TRAPPC9: variants seen among roughly 807,000 people sequenced by gnomAD.
TRAPPC9 encodes the protein IKK2 binding protein.
A neutral mutation model predicts 124.0 loss-of-function variants in TRAPPC9; 83 were observed. The observed-to-expected ratio is 0.67, with a 90% CI of 0.56 to 0.80. The LOEUF (loss-of-function observed/expected upper bound fraction) is 0.80. TRAPPC9 is among the 30% of genes least tolerant of loss of function. TRAPPC9 has a pLI of 0.00. For synonymous variants in TRAPPC9, 638 were observed against 617.5 expected (o/e 1.03, Z -0.49); for missense variants, 1,302 against 1,508.3 (o/e 0.86, Z 2.27).
chr8:140,248,591 G>A (rs957626338), intron 16 of TRAPPC9, among the ~76,000 whole-genome samples: 4 of 152,108 alleles, frequency 2.6e-5, no homozygotes, highest in Non-Finnish European at 4.4e-5. Flanking sequence ...ATGGGTATTT[G>A]GTTTTTCTAT....
intron 17 of TRAPPC9, chr8:140,099,832 C>T (rs1253364589): frequency 1.3e-5 from 2 of 149,772 alleles, no homozygotes; most frequent in African/African-American, 4.9e-5. Context: ...TGGTCCTCCG[C>T]AGCCTTCTCC....
chr8:140,368,465 G>C (rs1212586050), intron 8 of TRAPPC9, among the ~76,000 whole-genome samples: 1 of 152,144 alleles, frequency 6.6e-6, no homozygotes, highest in Non-Finnish European at 1.5e-5. Context: ...GGATATCTTA[G>C]GCTCTAAAGA....
At chr8:140,088,617 C>A (rs1179171204) in intron 17 of TRAPPC9, among the ~76,000 whole-genome samples, 2 of 152,140 alleles carry the variant, frequency 1.3e-5, no homozygotes, top group Non-Finnish European at 2.9e-5. Context: ...TTTTTCCTAA[C>A]AAGAAACTCA....
intron 21 of TRAPPC9, among the ~76,000 whole-genome samples, chr8:139,744,982 C>G (rs1286082509): frequency 6.6e-6 from 1 of 152,194 alleles, no homozygotes; most frequent in Non-Finnish European, 1.5e-5. Flanking sequence ...ATGCCAGGGC[C>G]CCTGTGGAGG....
chr8:140,302,716 T>A (rs2066015946), intron 10 of TRAPPC9: 1 of 152,228 alleles, frequency 6.6e-6, no homozygotes, highest in African/African-American at 2.4e-5. Context: ...TTCATCAATC[T>A]TATTCACAGG....
chr8:140,406,189 C>G (rs2069483018), intron 5 of TRAPPC9, among the ~76,000 whole-genome samples: 3 of 152,112 alleles, frequency 2.0e-5, no homozygotes, highest in Admixed American at 6.6e-5. Context: ...TATCAATAAG[C>G]AGAAGCATCT....
intron 19 of TRAPPC9, among the ~76,000 whole-genome samples, chr8:139,975,571 A>C (rs1836384448): frequency 6.6e-6 from 1 of 152,044 alleles, no homozygotes; most frequent in South Asian, 2.1e-4. Flanking sequence ...CTCTTCAAAA[A>C]CCTACAAATT....
At chr8:139,848,994 C>G (rs1014927111) in intron 21 of TRAPPC9, among the ~76,000 whole-genome samples, 13 of 152,210 alleles carry the variant, frequency 8.5e-5, no homozygotes, top group Non-Finnish European at 1.5e-5. Context: ...TCAGAACACT[C>G]AATGTGGGTG....
At chr8:139,789,068 A>G (rs906390494) in intron 21 of TRAPPC9, among the ~76,000 whole-genome samples, 1 of 152,254 alleles carries the variant, frequency 6.6e-6, no homozygotes, top group African/African-American at 2.4e-5. Context: ...ACGCTCATCT[A>G]AACATCATAA....
intron 17 of TRAPPC9, among the ~76,000 whole-genome samples, chr8:140,050,542 C>T (rs1444962881): frequency 2.0e-5 from 3 of 152,270 alleles, no homozygotes; most frequent in Non-Finnish European, 4.4e-5. Context: ...ACAGAATTCC[C>T]TCTGACACTG....
At chr8:140,033,285 A>C (rs1398592123) in intron 17 of TRAPPC9, among the ~76,000 whole-genome samples, 1 of 152,242 alleles carries the variant, frequency 6.6e-6, no homozygotes, top group Non-Finnish European at 1.5e-5. Flanking sequence ...GACACAGGTA[A>C]TTGATTTGTT....
intron 14 of TRAPPC9, among the ~76,000 whole-genome samples, chr8:140,279,040 T>C (rs1016167279): frequency 6.6e-6 from 1 of 152,246 alleles, no homozygotes; most frequent in Admixed American, 6.5e-5. Flanking sequence ...GTTGGTTGAC[T>C]TGTTGTTCCC....
At chr8:139,819,146 G>A (rs1825072678) in intron 21 of TRAPPC9, among the ~76,000 whole-genome samples, 1 of 152,166 alleles carries the variant, frequency 6.6e-6, no homozygotes, top group Non-Finnish European at 1.5e-5. Flanking sequence ...TCTCACAGAA[G>A]CACAAACCCT....
intron 17 of TRAPPC9, among the ~76,000 whole-genome samples, chr8:140,074,642 GAC>G (rs1843387525): frequency 6.6e-6 from 1 of 152,200 alleles, no homozygotes; most frequent in Non-Finnish European, 1.5e-5. Context: ...TCAGAGGAAA[GAC>G]AGTCCCCGCC....
At chr8:140,102,752 G>A (rs1308463381) in intron 17 of TRAPPC9, among the ~76,000 whole-genome samples, 3 of 152,206 alleles carry the variant, frequency 2.0e-5, no homozygotes, top group Non-Finnish European at 2.9e-5. Flanking sequence ...CAACAAGAAT[G>A]GCAGTGTGGA....
intron 5 of TRAPPC9, among the ~76,000 whole-genome samples, chr8:140,418,210 T>G (rs2070014800): frequency 6.6e-6 from 1 of 151,948 alleles, no homozygotes; most frequent in Non-Finnish European, 1.5e-5. Context: ...TAAAGTATAA[T>G]AAAAAATAAA....
chr8:140,342,385 T>C (rs917225312), intron 9 of TRAPPC9, among the ~76,000 whole-genome samples: 1 of 152,242 alleles, frequency 6.6e-6, no homozygotes, highest in African/African-American at 2.4e-5. Flanking sequence ...CTCACTATTT[T>C]ACATGTGTGG....
At chr8:140,387,634 T>C (rs2068789776) in intron 7 of TRAPPC9, among the ~76,000 whole-genome samples, 1 of 152,176 alleles carries the variant, frequency 6.6e-6, no homozygotes, top group East Asian at 1.9e-4. Context: ...ATGCTCATCA[T>C]CACTGGCCAT....
chr8:139,763,669 C>T (rs749459817), intron 21 of TRAPPC9, among the ~76,000 whole-genome samples: 6 of 151,988 alleles, frequency 3.9e-5, no homozygotes, highest in East Asian at 1.9e-4. Flanking sequence ...CACACATGCA[C>T]GCACGCGTGC....
Sources: gnomAD v4.1 joint callset for allele counts (sites outside exome capture counted in the v4.1 genomes callset) on GRCh38, gnomAD v4.1.1 for gene constraint, MANE v1.5 for transcripts, NCBI Gene and HGNC (gene_info 2026-07-23, HGNC 2026-07-21) for gene names.